The following SPTLC3 variants were observed in gnomAD, a reference collection of about 807,000 sequenced individuals.
The protein encoded by SPTLC3 is serine palmitoyltransferase 3.
A neutral mutation model predicts 59.3 loss-of-function variants in SPTLC3; 36 were observed. The ratio of observed to expected loss-of-function variants is 0.61; its 90% confidence interval spans 0.47 to 0.80. The LOEUF is 0.80. Among genes scored for constraint, SPTLC3 ranks in the 30% least tolerant of loss-of-function variants. SPTLC3 has a pLI of 0.00. For missense variants in SPTLC3, 625 were observed against 685.1 expected (o/e 0.91, Z 0.98); for synonymous variants, 257 against 240.8 (o/e 1.07, Z -0.62).
Position 13,140,446 on chromosome 20 carries a change from C to T in SPTLC3, c.1280-13557C>T, listed in dbSNP as rs6134796. The stretch of plus-strand genomic sequence containing the variant: ...CTTGAGTAACTAAGGTAACCAGGCA[C>T]GAGACTGAATTCTGAGCCCAGGTAG... On this transcript the variant is annotated intron_variant, in intron 9 of 11. Coordinates refer to ENST00000399002, the MANE Select transcript of SPTLC3 (RefSeq NM_018327.4). Among the ~76,000 whole-genome samples, 379 of 152,244 alleles carry T rather than the reference C, an allele frequency of 2.5e-3. 17 individuals are homozygous for T. In the East Asian group the frequency reaches 0.064, roughly 26 times the overall value.
At chr20:13,063,981 A>C (rs1035603841) in intron 2 of SPTLC3, among the ~76,000 whole-genome samples, 1 of 151,496 alleles carries the variant, frequency 6.6e-6, no homozygotes, top group Admixed American at 6.6e-5. Flanking sequence ...ATTTCTAATA[A>C]TTTCCCCAGT....
chr20:13,125,688 G>A (rs1468310159), intron 8 of SPTLC3, among the ~76,000 whole-genome samples: 1 of 152,186 alleles, frequency 6.6e-6, no homozygotes, highest in South Asian at 2.1e-4. Context: ...TGTTCCACAT[G>A]GTTGTCATCC....
intron 5 of SPTLC3, among the ~76,000 whole-genome samples, chr20:13,092,339 C>T (rs1989253502): frequency 6.6e-6 from 1 of 152,232 alleles, no homozygotes; most frequent in Non-Finnish European, 1.5e-5. Flanking sequence ...TTGGCTGGTT[C>T]ATTGCAAGTA....
At chr20:13,142,687 G>A (rs1040927150) in intron 9 of SPTLC3, among the ~76,000 whole-genome samples, 6 of 152,218 alleles carry the variant, frequency 3.9e-5, no homozygotes, top group African/African-American at 1.4e-4. Flanking sequence ...CTGAAATCAA[G>A]GTGTCAGCAG....
At chr20:13,155,921 A>G (rs1475191070) in intron 10 of SPTLC3, among the ~76,000 whole-genome samples, 1 of 152,192 alleles carries the variant, frequency 6.6e-6, no homozygotes, top group African/African-American at 2.4e-5. Context: ...ACATTGCATG[A>G]AGTATCTGAG....
At chr20:13,015,885 T>C (rs1985504829) in intron 1 of SPTLC3, among the ~76,000 whole-genome samples, 1 of 152,024 alleles carries the variant, frequency 6.6e-6, no homozygotes, top group African/African-American at 2.4e-5. Flanking sequence ...ATAACTATGA[T>C]ATAATACCCA....
chr20:13,010,890 A>G (rs1356070972), intron 1 of SPTLC3, among the ~76,000 whole-genome samples: 1 of 152,168 alleles, frequency 6.6e-6, no homozygotes, highest in Non-Finnish European at 1.5e-5. Context: ...GACAGTTATA[A>G]CCACTCCTAA....
At chr20:13,043,058 G>C (rs79379063) in intron 1 of SPTLC3, among the ~76,000 whole-genome samples, 2,002 of 152,192 alleles carry the variant, frequency 0.013, 42 homozygotes, top group African/African-American at 0.045. Flanking sequence ...CAGTGGTTCT[G>C]TTTCCCTACG....
At chr20:13,102,138 G>A (rs1426490861) in intron 6 of SPTLC3, among the ~76,000 whole-genome samples, 1 of 152,144 alleles carries the variant, frequency 6.6e-6, no homozygotes, top group Non-Finnish European at 1.5e-5. Context: ...ACAAGGGCTC[G>A]AGAGGTTGTT....
intron 1 of SPTLC3, among the ~76,000 whole-genome samples, chr20:13,017,616 CT>C (rs1230232922): frequency 6.6e-6 from 1 of 152,164 alleles, no homozygotes; most frequent in Admixed American, 6.5e-5. Context: ...ATTATGAGAT[CT>C]TTTTTGTGAT....
chr20:13,164,545 C>T, intron 11 of SPTLC3: 4 of 583,070 alleles, frequency 6.9e-6, no homozygotes, highest in Admixed American at 3.0e-5. Context: ...TGGAGTTAGA[C>T]CACTAAATAA....
intron 2 of SPTLC3, among the ~76,000 whole-genome samples, chr20:13,068,320 G>A (rs1988305731): frequency 6.6e-6 from 1 of 152,140 alleles, no homozygotes; most frequent in South Asian, 2.1e-4. Context: ...TGTATAGAAA[G>A]CAAAATAAAG....
chr20:13,036,330 GATAGC>G (rs1369937611), intron 1 of SPTLC3, among the ~76,000 whole-genome samples: 3 of 151,564 alleles, frequency 2.0e-5, no homozygotes, highest in Admixed American at 2.0e-4. Context: ...CCACCCCTGA[GATAGC>G]AAGACCAACC....
chr20:13,092,258 C>G (rs1003117081), intron 5 of SPTLC3, among the ~76,000 whole-genome samples: 12 of 152,198 alleles, frequency 7.9e-5, no homozygotes, highest in African/African-American at 2.7e-4. Flanking sequence ...AAGCAGGTGC[C>G]AAATGGCAAT....
At chr20:13,111,569 C>T (rs1254306546) in intron 7 of SPTLC3, among the ~76,000 whole-genome samples, 1 of 152,158 alleles carries the variant, frequency 6.6e-6, no homozygotes, top group Non-Finnish European at 1.5e-5. Flanking sequence ...CCTTAACTTG[C>T]AATTTTAAGA....
chr20:13,126,519 A>G, intron 8 of SPTLC3, 72 bp from the exon 9 acceptor site: 1 of 1,575,594 alleles, frequency 6.3e-7, no homozygotes, highest in Non-Finnish European at 8.6e-7. Flanking sequence ...TAGGGATGGG[A>G]CTAGATGTAA....
At chr20:13,040,778 A>C (rs1218026955) in intron 1 of SPTLC3, among the ~76,000 whole-genome samples, 1 of 151,632 alleles carries the variant, frequency 6.6e-6, no homozygotes, top group East Asian at 1.9e-4. Flanking sequence ...TGGGTCTGCT[A>C]TTAACAGATT....
intron 4 of SPTLC3, among the ~76,000 whole-genome samples, chr20:13,080,237 C>T (rs376907923): frequency 2.0e-5 from 3 of 152,062 alleles, no homozygotes; most frequent in South Asian, 2.1e-4. Context: ...TGGCCAGGTG[C>T]GGTGACTCAT....
chr20:13,066,716 C>T (rs1463367128), intron 2 of SPTLC3, among the ~76,000 whole-genome samples: 8 of 151,722 alleles, frequency 5.3e-5, no homozygotes, highest in Admixed American at 6.6e-5. Flanking sequence ...CAAATCTTTC[C>T]TCATCTCTAG....
Sources: gnomAD v4.1 joint callset for allele counts (sites outside exome capture counted in the v4.1 genomes callset) on GRCh38, gnomAD v4.1.1 for gene constraint, MANE v1.5 for transcripts, NCBI Gene and HGNC (gene_info 2026-07-23, HGNC 2026-07-21) for gene names.